NDUFAF2: variants seen among roughly 807,000 people sequenced by gnomAD.
NDUFAF2 encodes NADH:ubiquinone oxidoreductase complex assembly factor 2.
A neutral mutation model predicts 22.8 loss-of-function variants in NDUFAF2; 13 were observed. The observed-to-expected ratio is 0.57, with a 90% CI of 0.37 to 0.91. The LOEUF (loss-of-function observed/expected upper bound fraction) is 0.91. Ranked by LOEUF, NDUFAF2 falls within the 40% of genes least tolerant of loss-of-function variation. The pLI, the probability that NDUFAF2 is intolerant of heterozygous loss-of-function variation, is 0.01. For synonymous variants in NDUFAF2, 53 were observed against 64.2 expected, an observed-to-expected ratio of 0.83 and a Z score of 0.84; for missense variants, 162 against 195.2, an observed-to-expected ratio of 0.83 and a Z score of 1.01.
chr5:61,036,655 T>A (rs1751804358), intron 1 of NDUFAF2, among the ~76,000 whole-genome samples: 1 of 152,138 alleles, frequency 6.6e-6, no homozygotes, highest in Non-Finnish European at 1.5e-5. Context: ...ACAAATTCAA[T>A]ACTGGAAGGA....
intron 1 of NDUFAF2, among the ~76,000 whole-genome samples, chr5:61,044,214 C>A (rs1385126526): frequency 6.7e-6 from 1 of 149,694 alleles, no homozygotes; most frequent in Non-Finnish European, 1.5e-5. Flanking sequence ...TTTTTTTTTA[C>A]TGTTGAATGA....
chr5:61,076,524 T>C (rs1434802379), intron 2 of NDUFAF2, among the ~76,000 whole-genome samples: 1 of 152,188 alleles, frequency 6.6e-6, no homozygotes, highest in Non-Finnish European at 1.5e-5. Context: ...CTCAGATGTT[T>C]GAAAAACAGC....
At chr5:61,009,048 A>G (rs544751178) in intron 1 of NDUFAF2, among the ~76,000 whole-genome samples, 1 of 152,076 alleles carries the variant, frequency 6.6e-6, no homozygotes, top group South Asian at 2.1e-4. Context: ...GGTCTTTTCT[A>G]CTAATCCGTA....
intron 3 of NDUFAF2, among the ~76,000 whole-genome samples, chr5:61,106,733 C>T (rs1470239558): frequency 1.3e-5 from 2 of 150,376 alleles, no homozygotes; most frequent in East Asian, 3.9e-4. Context: ...CATCCTTCTA[C>T]TCTCTATCTC....
chr5:61,146,499 T>C (rs1741140537), intron 3 of NDUFAF2: 1 of 152,246 alleles, frequency 6.6e-6, no homozygotes, highest in African/African-American at 2.4e-5. Context: ...GAAAATGTTC[T>C]TATAATACCT....
intron 3 of NDUFAF2, among the ~76,000 whole-genome samples, chr5:61,128,314 G>C (rs1753063871): frequency 1.3e-5 from 2 of 152,090 alleles, no homozygotes; most frequent in South Asian, 4.1e-4. Flanking sequence ...AGTTCATATG[G>C]AACCAAAAAA....
intron 3 of NDUFAF2, among the ~76,000 whole-genome samples, chr5:61,131,826 A>G (rs2111814214): frequency 6.6e-6 from 1 of 152,276 alleles, no homozygotes; most frequent in Non-Finnish European, 1.5e-5. Flanking sequence ...GAAGTCTATA[A>G]TGATTAGACT....
At chr5:61,022,396 G>T (rs1016970672) in intron 1 of NDUFAF2, among the ~76,000 whole-genome samples, 1 of 152,044 alleles carries the variant, frequency 6.6e-6, no homozygotes, top group African/African-American at 2.4e-5. Context: ...GTTTTTATTT[G>T]TCTGAGAATG....
intron 1 of NDUFAF2, among the ~76,000 whole-genome samples, chr5:60,976,812 G>A (rs565277398): frequency 2.6e-5 from 4 of 152,140 alleles, no homozygotes; most frequent in South Asian, 2.1e-4. Flanking sequence ...AACCTGATAC[G>A]TTATTCTATG....
At chr5:60,993,276 A>C (rs1376913341) in intron 1 of NDUFAF2, among the ~76,000 whole-genome samples, 1 of 152,216 alleles carries the variant, frequency 6.6e-6, no homozygotes, top group Non-Finnish European at 1.5e-5. Flanking sequence ...TAGATACTCC[A>C]GGAACCTCAG....
chr5:61,129,902 G>A (rs1054796754), intron 3 of NDUFAF2, among the ~76,000 whole-genome samples: 2 of 151,950 alleles, frequency 1.3e-5, no homozygotes, highest in Non-Finnish European at 2.9e-5. Context: ...ATGTTAAAAA[G>A]ACTTTCTAAT....
intron 3 of NDUFAF2, among the ~76,000 whole-genome samples, chr5:61,119,844 TAC>T (rs1752955120): frequency 6.6e-6 from 1 of 152,196 alleles, no homozygotes; most frequent in Non-Finnish European, 1.5e-5. Flanking sequence ...GCTTAGCCAA[TAC>T]TATGATCTTA....
At chr5:61,126,934 T>A (rs1436585752) in intron 3 of NDUFAF2, among the ~76,000 whole-genome samples, 1 of 151,596 alleles carries the variant, frequency 6.6e-6, no homozygotes, top group African/African-American at 2.4e-5. Context: ...ATAAACACAA[T>A]AAAAAATAAT....
chr5:60,988,010 A>G (rs975415210), intron 1 of NDUFAF2, among the ~76,000 whole-genome samples: 3 of 152,194 alleles, frequency 2.0e-5, no homozygotes, highest in African/African-American at 7.2e-5. Context: ...ACATGGTTCT[A>G]TATTTAGAAA....
chr5:61,031,702 T>G (rs1451082059), intron 1 of NDUFAF2, among the ~76,000 whole-genome samples: 1 of 152,202 alleles, frequency 6.6e-6, no homozygotes, highest in Admixed American at 6.5e-5. Context: ...GCATGTGTCT[T>G]TATAGTAGAA....
intron 1 of NDUFAF2, among the ~76,000 whole-genome samples, chr5:60,977,903 A>G (rs1750924031): frequency 6.6e-6 from 1 of 152,072 alleles, no homozygotes; most frequent in African/African-American, 2.4e-5. Flanking sequence ...GGAACACCAG[A>G]TTGAACAACT....
At chr5:61,089,309 A>G (rs895648457) in intron 2 of NDUFAF2, among the ~76,000 whole-genome samples, 3 of 152,190 alleles carry the variant, frequency 2.0e-5, no homozygotes, top group Admixed American at 1.3e-4. Flanking sequence ...TGTTTACATT[A>G]TAATGAGGAC....
chr5:60,990,637 T>C (rs1483518091), intron 1 of NDUFAF2, among the ~76,000 whole-genome samples: 1 of 152,192 alleles, frequency 6.6e-6, no homozygotes, highest in Admixed American at 6.5e-5. Context: ...GGATTGACTT[T>C]GTACTTGTAG....
chr5:60,968,180 G>A lies in NDUFAF2; in HGVS notation c.127+22798G>A, dbSNP rs534291676. On this transcript the variant is annotated intron_variant, in intron 1 of 3. Coordinates refer to ENST00000296597, the MANE Select transcript of NDUFAF2 (RefSeq NM_174889.5). ...CTTTGTGTTTCTTTCTGTAGTATCC[G>A]TTGTTGCTTCCCCTTTCATTTCTGA... Among the ~76,000 whole-genome samples, 12 of 151,618 alleles carry A rather than the reference G, an allele frequency of 7.9e-5. No homozygotes were observed. The East Asian group carries it at 1.2e-3, about 15-fold the overall frequency.
Sources: gnomAD v4.1 joint callset for allele counts (sites outside exome capture counted in the v4.1 genomes callset) on GRCh38, gnomAD v4.1.1 for gene constraint, MANE v1.5 for transcripts, NCBI Gene and HGNC (gene_info 2026-07-23, HGNC 2026-07-21) for gene names.